Variants in YWHAE observed in about 807,000 individuals in gnomAD.
The protein encoded by YWHAE is tyrosine 3-monooxygenase/tryptophan 5-monooxygenase activation protein epsilon.
In YWHAE, 4 loss-of-function variants were observed where a neutral mutation model predicts 30.1. The ratio of observed to expected loss-of-function variants is 0.13; its 90% CI spans 0.07 to 0.30. YWHAE has a LOEUF of 0.30. YWHAE is among the 10% of genes least tolerant of loss of function. The pLI, the probability that YWHAE is intolerant of heterozygous loss-of-function variation, is 1.00. For missense variants in YWHAE, 121 were observed against 315.9 expected, an observed-to-expected ratio of 0.38 and a Z score of 4.68; for synonymous variants, 118 against 111.8, an observed-to-expected ratio of 1.06 and a Z score of -0.35.
At chr17:1,380,275 C>T (rs1453344845) in intron 1 of YWHAE, among the ~76,000 whole-genome samples, 4 of 152,048 alleles carry the variant, frequency 2.6e-5, no homozygotes, top group Admixed American at 2.0e-4. Flanking sequence ...CCATGCCCAG[C>T]TAAATTTTGT....
At chr17:1,373,428 G>A (rs1429445158) in intron 1 of YWHAE, among the ~76,000 whole-genome samples, 2 of 152,094 alleles carry the variant, frequency 1.3e-5, no homozygotes, top group African/African-American at 2.4e-5. Flanking sequence ...CGCTTTGGGA[G>A]GCCAAGAAGG....
intron 1 of YWHAE, 35 bp downstream of exon 1, chr17:1,400,012 G>A (rs1436329137): frequency 1.2e-6 from 2 of 1,612,728 alleles, no homozygotes; most frequent in East Asian, 2.2e-5. Context: ...CAGAGGGTCC[G>A]AGAATTCCAG....
rs367582891 is a variant in YWHAE, at chr17:1,396,097, C to T, written c.64+3950G>A. On this transcript the variant is annotated intron_variant, in intron 1 of 5. Coordinates refer to ENST00000264335, the MANE Select transcript of YWHAE (RefSeq NM_006761.5). ...TCGCGCTATTGCACTACAGCCTGGG[C>T]GACAAGAGCAAGACTCCGTCTCAAA... is the stretch of plus-strand genomic sequence containing the variant. 3.3e-5 allele frequency among the ~76,000 whole-genome samples: 5 copies of T among 150,618 alleles called. No individual in the cohort carries two copies. In the South Asian group the frequency reaches 8.4e-4, roughly 25 times the overall value.
chr17:1,388,230 G>A (rs1455752024), intron 1 of YWHAE, among the ~76,000 whole-genome samples: 4 of 146,596 alleles, frequency 2.7e-5, no homozygotes, highest in Admixed American at 1.4e-4. Context: ...CAAAGTGCTA[G>A]GATTGGCCAG....
rs2072499353 is a variant in YWHAE at position 1,345,417 on chromosome 17, C to A, written c.*30G>T. The A allele has an allele frequency of 6.8e-6, 11 of 1,612,678 alleles. No homozygotes were observed. The highest frequency in any genetic ancestry group is 1.7e-5 in the Admixed American group (1 of 59,954). Reference sequence around the variant, plus strand: ...GGTGGGATGGGGAGGAGGGGGTGGTCAGAGATGGTTTCTCTTGTTGGCTTA... The same window carrying A: ...GGTGGGATGGGGAGGAGGGGGTGGTAAGAGATGGTTTCTCTTGTTGGCTTA... On this transcript the variant is annotated 3_prime_UTR_variant, in exon 6 of 6. Coordinates refer to ENST00000264335, the MANE Select transcript of YWHAE (RefSeq NM_006761.5).
rs534110741 is a variant in YWHAE at position 1,385,512 on chromosome 17, T to C, written c.64+14535A>G. Among the ~76,000 whole-genome samples, 11 of 152,272 alleles carry C rather than the reference T, an allele frequency of 7.2e-5. No homozygotes were observed. In the South Asian group the frequency reaches 2.3e-3, roughly 32 times the overall value. ...AAATATCAGTGGTCCCCAACCTTTG[T>C]GGCACCAGGGACCAGTTTCGTGGAA... On this transcript the variant is annotated intron_variant, in intron 1 of 5. Coordinates refer to ENST00000264335, the MANE Select transcript of YWHAE (RefSeq NM_006761.5).
chr17:1,390,047 T>G (rs2073366951), intron 1 of YWHAE, among the ~76,000 whole-genome samples: 1 of 152,126 alleles, frequency 6.6e-6, no homozygotes, highest in African/African-American at 2.4e-5. Context: ...TTTCTCCATG[T>G]TGGTCAGGCT....
chr17:1,371,492 A>G (rs149819304), intron 1 of YWHAE, among the ~76,000 whole-genome samples: 145 of 152,254 alleles, frequency 9.5e-4, no homozygotes, highest in Middle Eastern at 3.4e-3. Context: ...TGCTGTAAAC[A>G]TAAGTGCTGT....
rs147208795 is a variant in YWHAE, at chr17:1,373,459, A to T, written c.65-8401T>A. Among the ~76,000 whole-genome samples, 535 of 151,604 alleles carry T rather than the reference A, an allele frequency of 3.5e-3. 1 individual carries two copies. Among genetic ancestry groups the T allele is most frequent in the Middle Eastern group, 0.01 (3 of 292 alleles). On this transcript the variant is annotated intron_variant, in intron 1 of 5. Coordinates refer to ENST00000264335, the MANE Select transcript of YWHAE (RefSeq NM_006761.5). ...GAAGGGTAGATCACAAGGTCAGGAG[A>T]TGGAGACCATCCTGGCTAACACGGT...
chr17:1,377,841 G>C (rs1016738861), intron 1 of YWHAE, among the ~76,000 whole-genome samples: 1 of 152,312 alleles, frequency 6.6e-6, no homozygotes, highest in African/African-American at 2.4e-5. Flanking sequence ...CTGAGGTCAG[G>C]AGTTCGAGAC....
At chr17:1,375,805 T>A (rs1218864347) in intron 1 of YWHAE, among the ~76,000 whole-genome samples, 1 of 152,240 alleles carries the variant, frequency 6.6e-6, no homozygotes, top group Non-Finnish European at 1.5e-5. Context: ...TTTTTCCCCT[T>A]GACTTGTTAA....
chr17:1,366,823 T>C (rs2072952649), intron 1 of YWHAE, among the ~76,000 whole-genome samples: 1 of 152,004 alleles, frequency 6.6e-6, no homozygotes, highest in South Asian at 2.1e-4. Context: ...ACGCTTGTAA[T>C]CCCAGCTACC....
chr17:1,344,727 G>T lies in YWHAE; in HGVS notation c.*720C>A. ...CGAAGGAGGGGAGGAGTGAGGGGAA[G>T]GAGGTAGGGGGAGGGGGAAGGAGAA... is the stretch of plus-strand genomic sequence containing the variant. On this transcript the variant is annotated 3_prime_UTR_variant, in exon 6 of 6. Transcript: ENST00000264335. 4.3e-6 allele frequency: 1 copy of T among 232,868 alleles called. No individual in the cohort carries two copies. Among genetic ancestry groups the T allele is most frequent in the East Asian group, 6.1e-5 (1 of 16,518 alleles). 14.4% of individuals were successfully genotyped at this position (232,868 alleles called of 1,614,324 possible). A position where few individuals can be genotyped will look rare whatever the true frequency, so the allele number is the denominator to read the frequency against.
intron 1 of YWHAE, chr17:1,399,770 T>A: frequency 8.7e-5 from 2 of 22,906 alleles, no homozygotes; most frequent in South Asian, 6.4e-4. Context: ...GGACTCGCCC[T>A]CCCCCCAGCC....
intron 1 of YWHAE, among the ~76,000 whole-genome samples, chr17:1,386,712 G>A (rs1414229862): frequency 6.6e-6 from 1 of 152,226 alleles, no homozygotes; most frequent in Non-Finnish European, 1.5e-5. Context: ...CTCTCTGGGA[G>A]GCCAAGGCAG....
At chr17:1,354,519 ACTT>A (rs1033990088) in intron 4 of YWHAE, among the ~76,000 whole-genome samples, 172 bp from the exon 5 acceptor site, 5 of 152,202 alleles carry the variant, frequency 3.3e-5, no homozygotes, top group East Asian at 3.8e-4. Context: ...GTGGAACACT[ACTT>A]CTTACTATGC....
intron 1 of YWHAE, among the ~76,000 whole-genome samples, chr17:1,391,216 G>A (rs750564501): frequency 4.6e-5 from 7 of 152,260 alleles, no homozygotes; most frequent in Non-Finnish European, 1.0e-4. Flanking sequence ...GTTCCCATTT[G>A]TGGGGGAGGG....
chr17:1,383,546 G>A (rs1231850817), intron 1 of YWHAE, among the ~76,000 whole-genome samples: 4 of 132,008 alleles, frequency 3.0e-5, no homozygotes, highest in South Asian at 2.6e-4. Context: ...GTGCCACCAC[G>A]CCCGGCAAGT....
rs893399733 is a variant in YWHAE at position 1,359,627 on chromosome 17, A to G, written c.578+1465T>C. 2.0e-5 allele frequency among the ~76,000 whole-genome samples: 3 copies of G among 151,992 alleles called. No individual in the cohort carries two copies. In the East Asian group the frequency reaches 5.8e-4, roughly 29 times the overall value. ...AATATTATATGATCCCACTTACATG[A>G]GGTATCTAGAATGGGCCAAATTCAT... On this transcript the variant is annotated intron_variant, in intron 4 of 5. Coordinates refer to ENST00000264335, the MANE Select transcript of YWHAE (RefSeq NM_006761.5).
Sources: allele counts gnomAD v4.1 joint callset (sites outside exome capture counted in the v4.1 genomes callset), GRCh38; gene constraint gnomAD v4.1.1; transcripts MANE v1.5; gene names NCBI Gene and HGNC (gene_info 2026-07-23, HGNC 2026-07-21).